SYNE2: variants seen among roughly 807,000 people sequenced by gnomAD.
SYNE2 encodes spectrin repeat containing nuclear envelope protein 2.
In SYNE2, 431 loss-of-function variants were observed where a neutral mutation model predicts 856.3. The observed-to-expected ratio is 0.50, with a 90% confidence interval of 0.47 to 0.55. The LOEUF (loss-of-function observed/expected upper bound fraction) is 0.55, where lower values mean the gene tolerates loss of function less well. Among genes scored for constraint, SYNE2 ranks in the 20% least tolerant of loss-of-function variants. SYNE2 has a pLI of 0.00. For synonymous variants in SYNE2, 2,923 were observed against 2,872.3 expected (o/e 1.02, Z -0.56); for missense variants, 8,129 against 8,023.2 (o/e 1.01, Z -0.50).
chr14:64,090,259 C>T (rs1014524056), intron 59 of SYNE2, among the ~76,000 whole-genome samples: 1 of 152,158 alleles, frequency 6.6e-6, no homozygotes, highest in Non-Finnish European at 1.5e-5. Flanking sequence ...CCAATTTCCT[C>T]ACCTGTGAAA....
chr14:64,081,350 C>A, intron 56 of SYNE2, 93 bp from the exon 57 acceptor site: 2 of 1,531,472 alleles, frequency 1.3e-6, no homozygotes, highest in African/African-American at 1.4e-5. Flanking sequence ...GCCTGACACA[C>A]CCCTGACTAA....
At chr14:64,013,339 T>G (rs1053911146) in intron 32 of SYNE2, among the ~76,000 whole-genome samples, 4 of 115,976 alleles carry the variant, frequency 3.4e-5, no homozygotes, top group African/African-American at 9.1e-5. Flanking sequence ...TTTTTTTTTT[T>G]GTATATTTAG....
intron 65 of SYNE2, among the ~76,000 whole-genome samples, chr14:64,112,831 T>G (rs116764548): frequency 3.3e-5 from 5 of 152,370 alleles, no homozygotes; most frequent in East Asian, 3.9e-4. Context: ...AGCTAAAATT[T>G]TTATAATCTA....
intron 9 of SYNE2, among the ~76,000 whole-genome samples, chr14:63,963,037 C>CA (rs1407527561): frequency 1.3e-5 from 2 of 152,186 alleles, no homozygotes; most frequent in African/African-American, 4.8e-5. Context: ...TTTTAAACCA[C>CA]ATGTTTGCAT....
intron 115 of SYNE2, 126 bp from the exon 116 acceptor site, chr14:64,225,193 C>G (rs2098713560): frequency 6.4e-7 from 1 of 1,562,714 alleles, no homozygotes; most frequent in African/African-American, 1.4e-5. Context: ...AAACTGAACC[C>G]CAACTGTTGG....
intron 45 of SYNE2, chr14:64,034,691 C>T (rs77021249): frequency 4.1e-4 from 181 of 440,788 alleles, no homozygotes; most frequent in African/African-American, 3.2e-3. Flanking sequence ...TTCAGTATGA[C>T]AGGTATTTGT....
At chr14:64,078,315 T>C in intron 54 of SYNE2, 151 bp from the exon 55 acceptor site, 1 of 761,106 alleles carries the variant, frequency 1.3e-6, no homozygotes. Flanking sequence ...CTATCCACCT[T>C]CTCATTAATG....
intron 31 of SYNE2, among the ~76,000 whole-genome samples, chr14:64,008,786 C>T (rs964340949): frequency 1.3e-5 from 2 of 152,126 alleles, no homozygotes; most frequent in Non-Finnish European, 2.9e-5. Flanking sequence ...GTGGTCTCAC[C>T]ATCCCGCTTT....
intron 1 of SYNE2, among the ~76,000 whole-genome samples, chr14:63,844,217 C>A (rs146423254): frequency 6.6e-6 from 1 of 152,294 alleles, no homozygotes; most frequent in Non-Finnish European, 1.5e-5. Flanking sequence ...AATCACTGAT[C>A]TTTTCACTCT....
Position 64,051,917 on chromosome 14 carries a change from G to T in SYNE2, c.8004G>T (p.Leu2668Phe), listed in dbSNP as rs755099726. The change falls in exon 48 of 116, where the codon TTG (leucine) becomes TTT (phenylalanine). Residue 2668 changes from leucine to phenylalanine, a missense_variant. Transcript: ENST00000555002. ...ERAGNQSMIA[L>F]TTDLQATKHG... is the part of the protein sequence containing the mutation. ...CAGGGAACCAAAGCATGATTGCCTT[G>T]ACCACTGACCTCCAGGCTACCAAGC... 5 of 1,613,864 alleles carry T rather than the reference G, an allele frequency of 3.1e-6. No homozygotes were observed. Among genetic ancestry groups the T allele is most frequent in the Non-Finnish European group, 4.2e-6 (5 of 1,180,036 alleles).
At chr14:63,796,298 A>C (rs1160768663) in intron 1 of SYNE2, among the ~76,000 whole-genome samples, 2 of 152,186 alleles carry the variant, frequency 1.3e-5, no homozygotes, top group Non-Finnish European at 2.9e-5. Context: ...ATCTCTACTA[A>C]AAATACAAAT....
rs1221447019 is a variant in SYNE2 at position 63,874,021 on chromosome 14, G to A, written c.-52+20878G>A. The A allele has an allele frequency of 2.0e-5, 3 of 152,196 alleles. No individual in the cohort carries two copies. The East Asian group carries it at 5.8e-4, about 29-fold the overall frequency. 9.4% of individuals were successfully genotyped at this position (152,196 alleles called of 1,614,324 possible). On this transcript the variant is annotated intron_variant, in intron 1 of 115. Coordinates refer to ENST00000555002, the MANE Select transcript of SYNE2 (RefSeq NM_182914.3). Reference sequence around the variant, plus strand: ...TTTCTGGAAGGTTATTGTTTTCAAGGATCTTAAGCACCTGGATTAGGACAG... The same window carrying A: ...TTTCTGGAAGGTTATTGTTTTCAAGAATCTTAAGCACCTGGATTAGGACAG...
At chr14:63,932,015 G>A (rs1185161475) in intron 2 of SYNE2, among the ~76,000 whole-genome samples, 8 of 152,132 alleles carry the variant, frequency 5.3e-5, no homozygotes, top group Admixed American at 3.9e-4. Context: ...AGTAATAAGC[G>A]GAAAAGATTC....
chr14:64,216,366 C>T lies in SYNE2; in HGVS notation c.19521C>T (p.Ser6507=). Residue 6507 remains serine, a synonymous_variant, in exon 108 of 116, where the codon AGC becomes AGT. Transcript: ENST00000555002. The part of the protein sequence containing the change: ...RNVPPVPPAS[S]TPYKPPYGKL... ...TTCCACCTGTTCCCCCTGCGTCCAG[C>T]ACCCCTTATAAACCACCCTATGTAA... 1 of 1,614,236 alleles carries T rather than the reference C, an allele frequency of 6.2e-7. No homozygotes were observed. The highest frequency in any genetic ancestry group is 1.3e-5 in the African/African-American group (1 of 75,058).
chr14:64,127,638 A>T (rs886683518), intron 73 of SYNE2, among the ~76,000 whole-genome samples: 3 of 152,202 alleles, frequency 2.0e-5, no homozygotes, highest in African/African-American at 7.2e-5. Flanking sequence ...TTCCTCCAGC[A>T]GTTGTCTAAA....
chr14:64,026,540 A>G, intron 41 of SYNE2, 39 bp from the exon 42 acceptor site: 1 of 1,538,228 alleles, frequency 6.5e-7, no homozygotes, highest in Non-Finnish European at 9.0e-7. Context: ...TCTCTAAGTA[A>G]TGCAAATGAC....
chr14:63,991,732 A>G (rs948220190), intron 21 of SYNE2, among the ~76,000 whole-genome samples: 1 of 152,186 alleles, frequency 6.6e-6, no homozygotes, highest in Non-Finnish European at 1.5e-5. Flanking sequence ...AGCAAAGCTA[A>G]ATGCCTCTAC....
At chr14:63,806,238 C>T (rs1242700135) in intron 1 of SYNE2, among the ~76,000 whole-genome samples, 2 of 152,060 alleles carry the variant, frequency 1.3e-5, no homozygotes, top group East Asian at 1.9e-4. Flanking sequence ...TTGAGATGAT[C>T]GTGTGGTTTT....
At chr14:64,154,060 G>A (rs2098266844) in intron 85 of SYNE2, among the ~76,000 whole-genome samples, 1 of 151,932 alleles carries the variant, frequency 6.6e-6, no homozygotes, top group Admixed American at 6.6e-5. Flanking sequence ...GCCAGACATG[G>A]TGGCTTATGC....
Sources: allele counts gnomAD v4.1 joint callset (sites outside exome capture counted in the v4.1 genomes callset), GRCh38; gene constraint gnomAD v4.1.1; transcripts MANE v1.5; gene names NCBI Gene and HGNC (gene_info 2026-07-23, HGNC 2026-07-21).